The following DMRT1 variants were observed in gnomAD, a reference collection of about 807,000 sequenced individuals.
DMRT1 encodes the protein doublesex- and mab-3-related transcription factor 1.
A neutral mutation model predicts 32.3 loss-of-function variants in DMRT1; 7 were observed. The observed-to-expected ratio is 0.22, with a 90% CI of 0.12 to 0.41. The LOEUF is 0.41. Among genes scored for constraint, DMRT1 ranks in the 10% least tolerant of loss-of-function variants. DMRT1 has a pLI of 1.00. For missense variants in DMRT1, 625 were observed against 500.5 expected, an observed-to-expected ratio of 1.25 and a Z score of -2.37; for synonymous variants, 278 against 206.1, an observed-to-expected ratio of 1.35 and a Z score of -2.99.
At chr9:946,248 T>G (rs73380466) in intron 4 of DMRT1, among the ~76,000 whole-genome samples, 5,202 of 152,150 alleles carry the variant, frequency 0.034, 310 homozygotes, top group African/African-American at 0.12. Flanking sequence ...TACTGCCAAA[T>G]TAACCCCAAG....
chr9:877,149 C>G (rs1204389868), intron 2 of DMRT1, among the ~76,000 whole-genome samples: 2 of 152,220 alleles, frequency 1.3e-5, no homozygotes, highest in East Asian at 3.8e-4. Flanking sequence ...TTCACCTTCC[C>G]TGACTTTGGT....
intron 2 of DMRT1, among the ~76,000 whole-genome samples, chr9:877,434 A>C (rs1816550286): frequency 6.6e-6 from 1 of 152,242 alleles, no homozygotes; most frequent in Non-Finnish European, 1.5e-5. Context: ...ATGTATGGCC[A>C]GCAACCCTGT....
intron 1 of DMRT1, chr9:843,054 C>T (rs1838757612): frequency 6.6e-6 from 1 of 152,190 alleles, no homozygotes; most frequent in African/African-American, 2.4e-5. Context: ...CTTTGGGGTC[C>T]CAAAAATCTC....
chr9:928,601 T>C (rs1368845958), intron 4 of DMRT1, among the ~76,000 whole-genome samples: 1 of 152,166 alleles, frequency 6.6e-6, no homozygotes, highest in Non-Finnish European at 1.5e-5. Context: ...CCAGAAGCTT[T>C]CCATTGGCTT....
chr9:894,608 A>G (rs528879901), intron 3 of DMRT1: 245 of 303,200 alleles, frequency 8.1e-4, no homozygotes, highest in Non-Finnish European at 1.2e-3. Context: ...CACCTTAGAA[A>G]ATGCTGGGTA....
chr9:864,123 C>G (rs1815852522), intron 2 of DMRT1, among the ~76,000 whole-genome samples: 1 of 152,108 alleles, frequency 6.6e-6, no homozygotes, highest in Admixed American at 6.5e-5. Context: ...TGTTGGTAGG[C>G]CATTCTTCAG....
At chr9:847,168 C>T (rs1564193287) in intron 2 of DMRT1, 25 bp downstream of exon 2, 1 of 1,609,462 alleles carries the variant, frequency 6.2e-7, no homozygotes, top group Non-Finnish European at 8.5e-7. Context: ...CTGGGGTTCA[C>T]ATGGAGGCTG....
chr9:887,894 G>C (rs1816992550), intron 2 of DMRT1, among the ~76,000 whole-genome samples: 2 of 152,240 alleles, frequency 1.3e-5, no homozygotes, highest in Non-Finnish European at 2.9e-5. Flanking sequence ...TTGTGCCTTT[G>C]ACAACATTTA....
chr9:884,807 T>TTAAA (rs1347077169), intron 2 of DMRT1, among the ~76,000 whole-genome samples: 1 of 151,944 alleles, frequency 6.6e-6, no homozygotes, highest in Admixed American at 6.6e-5. Context: ...CCGTCTCTAC[T>TTAAA]AAAAATAGAA....
chr9:879,074 C>G (rs936358555), intron 2 of DMRT1, among the ~76,000 whole-genome samples: 4 of 152,122 alleles, frequency 2.6e-5, no homozygotes, highest in Admixed American at 2.0e-4. Context: ...TTATTGCTGT[C>G]TACTAATAAC....
chr9:854,911 G>A (rs10120893), intron 2 of DMRT1, among the ~76,000 whole-genome samples: 45,129 of 122,290 alleles, frequency 0.37, 9,288 homozygotes, highest in East Asian at 0.53. Context: ...GACTACAGGC[G>A]CCCGCCGCCA....
chr9:843,238 G>A (rs1466275804), intron 1 of DMRT1, among the ~76,000 whole-genome samples: 1 of 152,210 alleles, frequency 6.6e-6, no homozygotes, highest in African/African-American at 2.4e-5. Context: ...CTGCTTACGC[G>A]GGTAACCTGT....
intron 2 of DMRT1, among the ~76,000 whole-genome samples, chr9:870,709 C>CTCTTTTTTTTTTTTTT (rs1816206857): frequency 6.6e-4 from 46 of 69,556 alleles, no homozygotes; most frequent in African/African-American, 2.9e-3. Flanking sequence ...ATTTTCTTGA[C>CTCTTTTTTTTTTTTTT]TTTTTTTTTT....
At chr9:924,444 A>G (rs16926092) in intron 4 of DMRT1, among the ~76,000 whole-genome samples, 3 of 152,100 alleles carry the variant, frequency 2.0e-5, no homozygotes, top group East Asian at 1.9e-4. Flanking sequence ...CTATTTTTAT[A>G]TATGGATCAC....
chr9:877,864 A>C (rs56151757), intron 2 of DMRT1, among the ~76,000 whole-genome samples: 38,871 of 152,074 alleles, frequency 0.26, 5,184 homozygotes, highest in East Asian at 0.4. Context: ...AGAAAAGTAC[A>C]CCTGGAAGAG....
chr9:888,918 G>A (rs1369963742), intron 2 of DMRT1, among the ~76,000 whole-genome samples: 3 of 151,432 alleles, frequency 2.0e-5, no homozygotes, highest in African/African-American at 7.3e-5. Context: ...CTTGAGCCCA[G>A]GAGTTTGAGA....
intron 2 of DMRT1, among the ~76,000 whole-genome samples, chr9:865,533 T>C (rs1325102814): frequency 6.6e-6 from 1 of 152,194 alleles, no homozygotes; most frequent in South Asian, 2.1e-4. Flanking sequence ...GAACAAGTCA[T>C]AGAGCTCACA....
At chr9:906,141 G>A (rs1022222345) in intron 3 of DMRT1, among the ~76,000 whole-genome samples, 3 of 152,110 alleles carry the variant, frequency 2.0e-5, no homozygotes, top group African/African-American at 7.2e-5. Flanking sequence ...TTAGTTGGAG[G>A]TGGACTCCCT....
intron 4 of DMRT1, among the ~76,000 whole-genome samples, chr9:937,610 T>A (rs1274772389): frequency 6.6e-6 from 1 of 152,178 alleles, no homozygotes. Flanking sequence ...ATGTTGAGCA[T>A]TTTTTTCATG....
Sources: allele counts gnomAD v4.1 joint callset (sites outside exome capture counted in the v4.1 genomes callset), GRCh38; gene constraint gnomAD v4.1.1; transcripts MANE v1.5; gene names NCBI Gene and HGNC (gene_info 2026-07-23, HGNC 2026-07-21).